The following TCERG1L variants were observed in gnomAD, a reference collection of about 807,000 sequenced individuals.
The protein encoded by TCERG1L is transcription elongation regulator 1-like protein.
Under a neutral mutation model 56.3 loss-of-function variants are expected in TCERG1L, and 37 were observed. The observed-to-expected ratio is 0.66, with a 90% CI of 0.51 to 0.87. TCERG1L has a LOEUF of 0.87. Ranked by LOEUF, TCERG1L falls within the 40% of genes least tolerant of loss-of-function variation. The pLI is 0.00. For synonymous variants in TCERG1L, 324 were observed against 326.3 expected (o/e 0.99, Z 0.08); for missense variants, 799 against 774.2 (o/e 1.03, Z -0.38).
At chr10:131,295,024 AT>A (rs987936729) in intron 3 of TCERG1L, among the ~76,000 whole-genome samples, 2 of 151,406 alleles carry the variant, frequency 1.3e-5, no homozygotes, top group Non-Finnish European at 2.9e-5. Flanking sequence ...TCACTGTGGT[AT>A]TTTTTGTTCT....
chr10:131,281,190 T>C (rs1459966420), intron 3 of TCERG1L, among the ~76,000 whole-genome samples: 2 of 152,214 alleles, frequency 1.3e-5, no homozygotes, highest in African/African-American at 4.8e-5. Flanking sequence ...TACCACGCTC[T>C]GCATTCCAAA....
rs149200626 is a variant in TCERG1L, at chr10:131,138,342, A to G, written c.1190-3894T>C. On this transcript the variant is annotated intron_variant, in intron 7 of 11. Coordinates refer to ENST00000368642, the MANE Select transcript of TCERG1L (RefSeq NM_174937.4). Reference sequence around the variant, plus strand: ...AGGCTGCCATTCTCTGCTGACTGCAAAGACAAGGGAACAGAATCTTCAGTC... The same window carrying G: ...AGGCTGCCATTCTCTGCTGACTGCAGAGACAAGGGAACAGAATCTTCAGTC... Among the ~76,000 whole-genome samples the G allele has an allele frequency of 3.5e-3, 531 of 152,278 alleles. 6 individuals carry two copies. Among genetic ancestry groups the G allele is most frequent in the African/African-American group, 0.012 (490 of 41,556 alleles).
intron 5 of TCERG1L, among the ~76,000 whole-genome samples, chr10:131,165,728 G>A (rs976505448): frequency 1.3e-5 from 2 of 152,150 alleles, no homozygotes; most frequent in African/African-American, 4.8e-5. Flanking sequence ...TGTAATTTGT[G>A]ATGGGGACTA....
chr10:131,106,362 C>T (rs1402105186), intron 9 of TCERG1L, among the ~76,000 whole-genome samples: 2 of 152,198 alleles, frequency 1.3e-5, no homozygotes, highest in Non-Finnish European at 2.9e-5. Context: ...CAAAGACCCA[C>T]AGCAGCCTAG....
chr10:131,212,503 A>G (rs1025779186), intron 4 of TCERG1L, among the ~76,000 whole-genome samples: 1 of 152,234 alleles, frequency 6.6e-6, no homozygotes, highest in East Asian at 1.9e-4. Context: ...TGTAAGCTCA[A>G]AATAATTAGG....
intron 4 of TCERG1L, 32 bp from the exon 5 acceptor site, chr10:131,166,917 T>C (rs759136766): frequency 2.5e-6 from 4 of 1,584,220 alleles, no homozygotes; most frequent in Middle Eastern, 1.7e-4. Flanking sequence ...CATTAACATT[T>C]CATTTGTCAC....
At chr10:131,299,127 A>G (rs2133580540) in intron 3 of TCERG1L, among the ~76,000 whole-genome samples, 1 of 152,306 alleles carries the variant, frequency 6.6e-6, no homozygotes, top group East Asian at 1.9e-4. Flanking sequence ...TTTGTCAAAT[A>G]TTAATACAGT....
At chr10:131,240,303 A>C (rs1845956519) in intron 4 of TCERG1L, among the ~76,000 whole-genome samples, 1 of 152,182 alleles carries the variant, frequency 6.6e-6, no homozygotes, top group Non-Finnish European at 1.5e-5. Context: ...TGCATTATCC[A>C]CACGGAACTC....
At chr10:131,297,833 A>G (rs1846715046) in intron 3 of TCERG1L, among the ~76,000 whole-genome samples, 2 of 152,066 alleles carry the variant, frequency 1.3e-5, no homozygotes, top group South Asian at 4.1e-4. Flanking sequence ...ATTTCATCTA[A>G]GCTGTTGCAT....
intron 4 of TCERG1L, among the ~76,000 whole-genome samples, chr10:131,244,201 A>C (rs906410444): frequency 7.9e-5 from 12 of 152,244 alleles, no homozygotes; most frequent in African/African-American, 2.9e-4. Flanking sequence ...GTCCTGGGGC[A>C]GGAGGCCCTT....
At chr10:131,243,398 G>A (rs769144984) in intron 4 of TCERG1L, among the ~76,000 whole-genome samples, 10 of 152,064 alleles carry the variant, frequency 6.6e-5, no homozygotes, top group Non-Finnish European at 1.3e-4. Flanking sequence ...CGTAGCCAAC[G>A]TTGCAAACCC....
Position 131,192,432 on chromosome 10 carries a change from C to T in TCERG1L, c.857-25547G>A, listed in dbSNP as rs943027578. Among the ~76,000 whole-genome samples, 5 of 144,122 alleles carry T rather than the reference C, an allele frequency of 3.5e-5. 1 individual carries two copies. Among genetic ancestry groups the T allele is most frequent in the African/African-American group, 1.3e-4 (5 of 38,244 alleles). 94.5% of individuals were successfully genotyped at this position (144,122 alleles called of 152,430 possible). A position where few individuals can be genotyped will look rare whatever the true frequency, so the allele number is the denominator to read the frequency against. Reference sequence around the variant, plus strand: ...CTGGTGGAAAGGGAAATTGGAACAACCCTGATGGAAACAGTATGGAGATTC... The same window carrying T: ...CTGGTGGAAAGGGAAATTGGAACAATCCTGATGGAAACAGTATGGAGATTC... On this transcript the variant is annotated intron_variant, in intron 4 of 11. Coordinates refer to ENST00000368642, the MANE Select transcript of TCERG1L (RefSeq NM_174937.4).
At chr10:131,131,843 G>A (rs1032441605) in intron 8 of TCERG1L, among the ~76,000 whole-genome samples, 3 of 152,184 alleles carry the variant, frequency 2.0e-5, no homozygotes, top group Non-Finnish European at 1.5e-5. Flanking sequence ...GCAAAATTAC[G>A]CTATCCACAC....
intron 3 of TCERG1L, among the ~76,000 whole-genome samples, chr10:131,283,589 T>C (rs982993408): frequency 3.9e-5 from 6 of 152,162 alleles, no homozygotes; most frequent in Non-Finnish European, 7.4e-5. Flanking sequence ...AGAATTTTCA[T>C]GTATAAAATA....
chr10:131,135,756 T>A (rs10829918), intron 7 of TCERG1L, among the ~76,000 whole-genome samples: 1 of 152,104 alleles, frequency 6.6e-6, no homozygotes, highest in African/African-American at 2.4e-5. Context: ...ATCTGCCCTG[T>A]ACCTTCCAGC....
intron 11 of TCERG1L, among the ~76,000 whole-genome samples, chr10:131,094,706 C>T (rs772836107): frequency 5.9e-5 from 9 of 152,038 alleles, no homozygotes; most frequent in Non-Finnish European, 8.8e-5. Flanking sequence ...CCTTTTCTCC[C>T]GGTTCCTTTC....
chr10:131,130,281 C>T (rs1221342900), intron 8 of TCERG1L, among the ~76,000 whole-genome samples: 8 of 152,074 alleles, frequency 5.3e-5, no homozygotes, highest in Non-Finnish European at 1.2e-4. Flanking sequence ...GGAAAGACTG[C>T]CCTGGTGATT....
In TCERG1L at chr10:131,098,344, T is replaced by C. The variant is rs1403455669; in HGVS notation, c.1566A>G (p.Glu522=). The part of the protein sequence containing the change: ...KKSKLLLAKE[E]FKKLLEESKV... ...TAGATTCCTCTAGAAGTTTCTTGAA[T>C]TCTTCTTTGGCTAGCAGCAATTTAC... is the stretch of plus-strand genomic sequence containing the variant. The change falls in exon 11 of 12, where the codon GAA becomes GAG. Residue 522 remains glutamate (E), a synonymous_variant. Coordinates refer to ENST00000368642, the MANE Select transcript of TCERG1L (RefSeq NM_174937.4). 5 of 1,553,244 alleles carry C rather than the reference T, an allele frequency of 3.2e-6. No homozygotes were observed. The highest frequency in any genetic ancestry group is 1.2e-5 in the South Asian group (1 of 84,152).
At chr10:131,263,422 T>C (rs567466937) in intron 3 of TCERG1L, among the ~76,000 whole-genome samples, 12 of 152,336 alleles carry the variant, frequency 7.9e-5, no homozygotes, top group South Asian at 6.2e-4. Flanking sequence ...TTTTGTTATA[T>C]TGCAGTTGTT....
Sources: allele counts gnomAD v4.1 joint callset (sites outside exome capture counted in the v4.1 genomes callset), GRCh38; gene constraint gnomAD v4.1.1; transcripts MANE v1.5; gene names NCBI Gene and HGNC (gene_info 2026-07-23, HGNC 2026-07-21).